SAMD12: variants seen among roughly 807,000 people sequenced by gnomAD.
SAMD12 encodes sterile alpha motif domain-containing protein 12.
In SAMD12, 9 loss-of-function variants were observed where a neutral mutation model predicts 15.0. The observed-to-expected ratio is 0.60, with a 90% CI of 0.36 to 1.05. The LOEUF (loss-of-function observed/expected upper bound fraction) is 1.05. Ranked by LOEUF, SAMD12 falls within the 50% of genes least tolerant of loss-of-function variation. SAMD12 has a pLI of 0.01. For synonymous variants in SAMD12, 86 were observed against 90.1 expected, an observed-to-expected ratio of 0.96 and a Z score of 0.25; for missense variants, 230 against 234.2, an observed-to-expected ratio of 0.98 and a Z score of 0.12.
At chr8:118,166,150 T>C in the SAMD12 span, among the ~76,000 whole-genome samples, 2 of 152,224 alleles carry the variant, frequency 1.3e-5, no homozygotes, top group African/African-American at 2.4e-5. Flanking sequence ...CTTGTAATGA[T>C]TGACTATTGC....
intron 4 of SAMD12, among the ~76,000 whole-genome samples, chr8:118,333,025 G>A (rs1816876543): frequency 6.6e-6 from 1 of 152,184 alleles, no homozygotes; most frequent in African/African-American, 2.4e-5. Flanking sequence ...GGCAGGGAAT[G>A]TGTGGTATTT....
chr8:118,450,915 C>G (rs1239464441), intron 2 of SAMD12, among the ~76,000 whole-genome samples: 1 of 152,104 alleles, frequency 6.6e-6, no homozygotes, highest in Non-Finnish European at 1.5e-5. Context: ...CAAGCCTGAC[C>G]AAATTAGCTT....
chr8:118,368,309 C>T (rs529641231), intron 4 of SAMD12, among the ~76,000 whole-genome samples: 1 of 152,262 alleles, frequency 6.6e-6, no homozygotes, highest in East Asian at 1.9e-4. Flanking sequence ...TAACAAAAGA[C>T]CCTAGCTACA....
intron 1 of SAMD12, among the ~76,000 whole-genome samples, chr8:118,604,094 A>G (rs1827931707): frequency 6.6e-6 from 1 of 152,216 alleles, no homozygotes; most frequent in African/African-American, 2.4e-5. Flanking sequence ...GATTTCAACT[A>G]TACATACATA....
chr8:118,321,838 A>G (rs1816299856), intron 4 of SAMD12, among the ~76,000 whole-genome samples: 1 of 152,190 alleles, frequency 6.6e-6, no homozygotes, highest in South Asian at 2.1e-4. Flanking sequence ...AATGAGGATG[A>G]TAATAATAAG....
chr8:118,313,259 ACT>A (rs1339332624), intron 4 of SAMD12, among the ~76,000 whole-genome samples: 1 of 152,170 alleles, frequency 6.6e-6, no homozygotes, highest in Non-Finnish European at 1.5e-5. Context: ...TTAGTTCAAA[ACT>A]CTGATGGCAT....
chr8:118,264,147 G>A (rs867289351), intron 4 of SAMD12, among the ~76,000 whole-genome samples: 4 of 152,098 alleles, frequency 2.6e-5, no homozygotes, highest in Middle Eastern at 3.4e-3. Context: ...TAAAGATAAG[G>A]CAAATAGTTC....
At chr8:118,284,665 G>A (rs749430345) in intron 4 of SAMD12, 14 of 214,208 alleles carry the variant, frequency 6.5e-5, no homozygotes, top group Admixed American at 5.5e-4. Context: ...TGAATTGGCC[G>A]GGCACTGTGG....
intron 2 of SAMD12, among the ~76,000 whole-genome samples, chr8:118,562,754 A>T (rs1327885616): frequency 6.6e-6 from 1 of 152,236 alleles, no homozygotes; most frequent in Non-Finnish European, 1.5e-5. Context: ...ATTAAAAGGA[A>T]GGATGTTTTT....
chr8:118,553,401 T>C (rs1458858285), intron 2 of SAMD12, among the ~76,000 whole-genome samples: 1 of 152,028 alleles, frequency 6.6e-6, no homozygotes, highest in Non-Finnish European at 1.5e-5. Context: ...ATCTGATCTT[T>C]GACAAACCTG....
chr8:118,203,382 A>AC (rs1586338661), intron 4 of SAMD12, among the ~76,000 whole-genome samples: 1 of 119,296 alleles, frequency 8.4e-6, no homozygotes, highest in East Asian at 2.0e-4. Context: ...GGTGGTAACA[A>AC]CTTGTGTGTG....
At chr8:118,516,191 C>T (rs1463629805) in intron 2 of SAMD12, among the ~76,000 whole-genome samples, 1 of 152,234 alleles carries the variant, frequency 6.6e-6, no homozygotes, top group Non-Finnish European at 1.5e-5. Context: ...CCACTGACTT[C>T]TTCAACCTTT....
At chr8:118,362,888 T>C (rs375485143) in intron 4 of SAMD12, among the ~76,000 whole-genome samples, 14 of 152,314 alleles carry the variant, frequency 9.2e-5, no homozygotes, top group African/African-American at 3.4e-4. Context: ...TTCATTATGA[T>C]GCCAAGTTGA....
intron 2 of SAMD12, among the ~76,000 whole-genome samples, chr8:118,450,954 G>A (rs1207300520): frequency 6.6e-6 from 1 of 152,148 alleles, no homozygotes; most frequent in Non-Finnish European, 1.5e-5. Flanking sequence ...GTATACTGAT[G>A]CCATTCCAGA....
chr8:118,137,707 T>C, the SAMD12 span, among the ~76,000 whole-genome samples: 7 of 152,176 alleles, frequency 4.6e-5, no homozygotes, highest in African/African-American at 1.7e-4. Flanking sequence ...GGAAGAAGAA[T>C]TGTCTTAGGC....
the SAMD12 span, among the ~76,000 whole-genome samples, chr8:118,168,196 A>C: frequency 2.6e-5 from 4 of 152,222 alleles, no homozygotes; most frequent in Non-Finnish European, 5.9e-5. Flanking sequence ...TGTCTTTATC[A>C]GCAGCATGAA....
intron 2 of SAMD12, among the ~76,000 whole-genome samples, chr8:118,441,390 G>C (rs1198193937): frequency 6.6e-6 from 1 of 151,358 alleles, no homozygotes; most frequent in East Asian, 1.9e-4. Context: ...TGGTGAGAGA[G>C]TCATAGTGAA....
At chr8:118,483,563 G>C (rs1824189887) in intron 2 of SAMD12, among the ~76,000 whole-genome samples, 1 of 152,038 alleles carries the variant, frequency 6.6e-6, no homozygotes, top group Non-Finnish European at 1.5e-5. Context: ...AGTCAACTTT[G>C]ATTTTGTCAA....
intron 1 of SAMD12, among the ~76,000 whole-genome samples, chr8:118,613,957 C>A (rs1350059937): frequency 6.6e-6 from 1 of 152,174 alleles, no homozygotes; most frequent in Non-Finnish European, 1.5e-5. Flanking sequence ...TCTGTTGCCT[C>A]ATGACTGCAC....
Sources: allele counts gnomAD v4.1 joint callset (sites outside exome capture counted in the v4.1 genomes callset), GRCh38; gene constraint gnomAD v4.1.1; transcripts MANE v1.5; gene names NCBI Gene and HGNC (gene_info 2026-07-23, HGNC 2026-07-21).